ANTXR2: variants seen among roughly 807,000 people sequenced by gnomAD.
ANTXR2 encodes ANTXR cell adhesion molecule 2.
Under a neutral mutation model 73.7 loss-of-function variants are expected in ANTXR2, and 44 were observed. The ratio of observed to expected loss-of-function variants is 0.60; its 90% CI spans 0.47 to 0.77. The LOEUF is 0.77. ANTXR2 is among the 30% of genes least tolerant of loss of function. The pLI is 0.00. For missense variants in ANTXR2, 604 were observed against 592.5 expected (o/e 1.02, Z -0.20); for synonymous variants, 217 against 205.9 (o/e 1.05, Z -0.46).
chr4:80,062,474 A>T (rs892785103), intron 3 of ANTXR2, among the ~76,000 whole-genome samples: 2 of 152,206 alleles, frequency 1.3e-5, no homozygotes, highest in African/African-American at 2.4e-5. Context: ...CATAAAACAG[A>T]TGTGGGACTT....
At chr4:80,052,666 T>C (rs929797190) in intron 7 of ANTXR2, among the ~76,000 whole-genome samples, 4 of 151,730 alleles carry the variant, frequency 2.6e-5, no homozygotes, top group African/African-American at 7.2e-5. Flanking sequence ...CAAGAGATTT[T>C]GTTGGCAAAT....
rs58439932 is a variant in ANTXR2, at chr4:80,032,866, A to T, written c.796+606T>A. On this transcript the variant is annotated intron_variant, in intron 9 of 16. Transcript: ENST00000403729. Reference sequence around the variant, plus strand: ...CAAAGGTAGGGAAAATTAAAACTCAATTCAATAAATACGAAAATTATCAAC... The same window carrying T: ...CAAAGGTAGGGAAAATTAAAACTCATTTCAATAAATACGAAAATTATCAAC... Among the ~76,000 whole-genome samples, 1,256 of 152,004 alleles carry T rather than the reference A, an allele frequency of 8.3e-3. 12 individuals are homozygous for T. Among genetic ancestry groups the T allele is most frequent in the African/African-American group, 0.029 (1,188 of 41,514 alleles).
chr4:79,910,342 C>T (rs1444891627), intron 16 of ANTXR2, among the ~76,000 whole-genome samples: 2 of 151,708 alleles, frequency 1.3e-5, no homozygotes, highest in Non-Finnish European at 1.5e-5. Flanking sequence ...AACTCCATCT[C>T]TACTGAAAAT....
intron 11 of ANTXR2, among the ~76,000 whole-genome samples, chr4:80,008,923 C>G (rs891559905): frequency 2.0e-5 from 3 of 152,094 alleles, no homozygotes; most frequent in African/African-American, 7.2e-5. Flanking sequence ...TTAGACTGGT[C>G]TCTATCTTTC....
intron 5 of ANTXR2, 55 bp from the exon 6 acceptor site, chr4:80,055,273 T>C (rs1194467713): frequency 1.9e-6 from 3 of 1,543,900 alleles, no homozygotes; most frequent in African/African-American, 1.4e-5. Context: ...AGGGAGAAAG[T>C]GAATTATTCA....
chr4:80,071,395 G>A lies in ANTXR2; in HGVS notation c.224+188C>T, dbSNP rs534305531. On this transcript the variant is annotated intron_variant, in intron 2 of 16. Transcript: ENST00000403729. ...CCCAGAGTCTGAGCCAAGTTTCTGG[G>A]ATCCAGATGAAATAAGCCCTCAAGG... Among the ~76,000 whole-genome samples the A allele has an allele frequency of 3.3e-5, 5 of 152,320 alleles. No homozygotes were observed. The South Asian group carries it at 1.0e-3, about 32-fold the overall frequency.
intron 12 of ANTXR2, among the ~76,000 whole-genome samples, chr4:79,994,393 T>C (rs1730627259): frequency 6.6e-6 from 1 of 152,064 alleles, no homozygotes; most frequent in Non-Finnish European, 1.5e-5. Context: ...TGAATTTCCA[T>C]AAAGTACTCT....
At chr4:80,056,091 G>T in intron 3 of ANTXR2, 78 bp from the exon 4 acceptor site, 1 of 949,604 alleles carries the variant, frequency 1.1e-6, no homozygotes, top group Non-Finnish European at 1.5e-6. Flanking sequence ...AAACATGGCA[G>T]TATTGTAACT....
At chr4:80,036,693 C>A (rs970657511) in intron 7 of ANTXR2, among the ~76,000 whole-genome samples, 4 of 152,056 alleles carry the variant, frequency 2.6e-5, no homozygotes, top group African/African-American at 9.6e-5. Context: ...CCCAGCTACT[C>A]GGGAGGCTGA....
intron 15 of ANTXR2, 85 bp downstream of exon 15, chr4:79,977,922 C>A: frequency 6.9e-7 from 1 of 1,442,408 alleles, no homozygotes. Flanking sequence ...TACCCTCTTT[C>A]AAGTAGCTGG....
intron 12 of ANTXR2, among the ~76,000 whole-genome samples, chr4:79,993,760 G>GCACACACACACA (rs1553931141): frequency 0.072 from 10,152 of 140,678 alleles, 448 homozygotes; most frequent in Middle Eastern, 0.22. Flanking sequence ...ACACACACAC[G>GCACACACACACA]CACACACACA....
In ANTXR2 at chr4:79,987,274, G is replaced by GA. The variant is rs58238337; in HGVS notation, c.1042-2412dup. 2.9e-3 allele frequency among the ~76,000 whole-genome samples: 346 copies of GA among 118,380 alleles called. 1 individual carries two copies. The highest frequency in any genetic ancestry group is 0.02 in the Middle Eastern group (5 of 248). The allele number at this position is 118,380 out of a possible 152,430, so 77.7% of individuals were successfully genotyped here. A position where few individuals can be genotyped will look rare whatever the true frequency, so the allele number is the denominator to read the frequency against. On this transcript the variant is annotated intron_variant, in intron 12 of 16. Coordinates refer to ENST00000403729, the MANE Select transcript of ANTXR2 (RefSeq NM_058172.6). The stretch of plus-strand genomic sequence containing the variant: ...CTGGAAAATGACATTGCCATTTTAA[G>GA]AAAAAAAAAAAAAAAATTGAACTTC...
intron 9 of ANTXR2, among the ~76,000 whole-genome samples, 180 bp downstream of exon 9, chr4:80,033,292 C>T (rs912815382): frequency 6.6e-6 from 1 of 151,790 alleles, no homozygotes; most frequent in Admixed American, 6.6e-5. Context: ...ACAAATGTTG[C>T]CATTATTAAA....
chr4:80,026,392 T>A (rs1308302588), intron 10 of ANTXR2, among the ~76,000 whole-genome samples: 1 of 152,178 alleles, frequency 6.6e-6, no homozygotes, highest in African/African-American at 2.4e-5. Flanking sequence ...CAATTAAACT[T>A]CTTTCCTTGA....
At chr4:80,040,852 T>C (rs1733207671) in intron 7 of ANTXR2, among the ~76,000 whole-genome samples, 1 of 151,976 alleles carries the variant, frequency 6.6e-6, no homozygotes, top group African/African-American at 2.4e-5. Context: ...CAAAAAGTAA[T>C]ATTAGTATTA....
chr4:79,958,437 G>T (rs1026544814), intron 16 of ANTXR2, among the ~76,000 whole-genome samples: 10 of 152,076 alleles, frequency 6.6e-5, no homozygotes. Flanking sequence ...CTTAACATCA[G>T]TATTAATAAC....
chr4:79,953,801 G>A (rs1303073593), intron 16 of ANTXR2, among the ~76,000 whole-genome samples: 1 of 151,602 alleles, frequency 6.6e-6, no homozygotes, highest in Non-Finnish European at 1.5e-5. Flanking sequence ...ATTTTCTGAC[G>A]CCAATATTTA....
At chr4:79,961,645 G>A (rs1271301565) in intron 16 of ANTXR2, among the ~76,000 whole-genome samples, 1 of 151,918 alleles carries the variant, frequency 6.6e-6, no homozygotes, top group African/African-American at 2.4e-5. Flanking sequence ...TCCCTATGTT[G>A]CCCAGGCTGG....
chr4:80,038,817 G>T (rs1018133797), intron 7 of ANTXR2, among the ~76,000 whole-genome samples: 4 of 151,782 alleles, frequency 2.6e-5, no homozygotes, highest in African/African-American at 9.7e-5. Context: ...AATTTCCATG[G>T]CATATGCTCC....
Sources: gnomAD v4.1 joint callset for allele counts (sites outside exome capture counted in the v4.1 genomes callset) on GRCh38, gnomAD v4.1.1 for gene constraint, MANE v1.5 for transcripts, NCBI Gene and HGNC (gene_info 2026-07-23, HGNC 2026-07-21) for gene names.